Variants in FBXW7 observed in about 807,000 individuals in gnomAD.
FBXW7 encodes F-box and WD repeat domain containing 7, also known as F-box/WD repeat-containing protein 7.
FBXW7 carries 11 observed loss-of-function variants against 86.3 expected under a neutral mutation model. The ratio of observed to expected loss-of-function variants is 0.13; its 90% CI spans 0.08 to 0.21. The LOEUF (loss-of-function observed/expected upper bound fraction) is 0.21, where lower values mean the gene tolerates loss of function less well. FBXW7 is among the 10% of genes least tolerant of loss of function. FBXW7 has a pLI of 1.00. For synonymous variants in FBXW7, 313 were observed against 297.9 expected, an observed-to-expected ratio of 1.05 and a Z score of -0.52; for missense variants, 488 against 847.4, an observed-to-expected ratio of 0.58 and a Z score of 5.27.
At chr4:152,460,790 TGATA>T (rs1238132283) in intron 2 of FBXW7, among the ~76,000 whole-genome samples, 1 of 152,186 alleles carries the variant, frequency 6.6e-6, no homozygotes, top group African/African-American at 2.4e-5. Context: ...ATATGTAAAT[TGATA>T]CTTTCCACCA....
At chr4:152,406,868 G>T (rs1438942497) in intron 4 of FBXW7, among the ~76,000 whole-genome samples, 1 of 152,084 alleles carries the variant, frequency 6.6e-6, no homozygotes, top group Non-Finnish European at 1.5e-5. Context: ...AATGCTGAAG[G>T]TTGTAAAACA....
At chr4:152,519,535 T>TA (rs1748816913) in intron 2 of FBXW7, among the ~76,000 whole-genome samples, 1 of 152,190 alleles carries the variant, frequency 6.6e-6, no homozygotes. Flanking sequence ...TCCATAATCT[T>TA]AGACAGATTT....
intron 4 of FBXW7, among the ~76,000 whole-genome samples, chr4:152,389,798 T>C (rs956097914): frequency 6.6e-6 from 1 of 152,088 alleles, no homozygotes; most frequent in African/African-American, 2.4e-5. Flanking sequence ...ATTACATATA[T>C]GGCCTTCTTG....
intron 2 of FBXW7, among the ~76,000 whole-genome samples, chr4:152,437,393 T>A (rs965540043): frequency 7.9e-5 from 12 of 151,058 alleles, no homozygotes; most frequent in Non-Finnish European, 1.5e-4. Flanking sequence ...AAAAAAAAAA[T>A]TCAGTGGCGG....
intron 4 of FBXW7, among the ~76,000 whole-genome samples, chr4:152,377,291 T>TA (rs771906119): frequency 7.8e-4 from 119 of 152,176 alleles, no homozygotes; most frequent in Non-Finnish European, 1.3e-3. Flanking sequence ...AGATAAAACT[T>TA]ACATTGTTTC....
At chr4:152,420,153 T>C (rs1300044529) in intron 2 of FBXW7, among the ~76,000 whole-genome samples, 3 of 152,222 alleles carry the variant, frequency 2.0e-5, no homozygotes, top group Admixed American at 2.0e-4. Context: ...AAGTCCTTTG[T>C]TGATATTTCA....
rs1177813371 is a variant in FBXW7 at position 152,411,075 on chromosome 4, T to A, written c.501+228A>T. ...ATTTGATGTTAATAATTTTTCATAG[T>A]AATAGGCTCAATTACTTTCCCTCCA... On this transcript the variant is annotated intron_variant, in intron 4 of 13. Transcript: ENST00000281708. The A allele has an allele frequency of 2.1e-5, 16 of 754,526 alleles. No homozygotes were observed. In the South Asian group the frequency reaches 4.8e-4, roughly 23 times the overall value. The allele number at this position is 754,526 out of a possible 1,614,324, so 46.7% of individuals were successfully genotyped here.
intron 4 of FBXW7, among the ~76,000 whole-genome samples, chr4:152,364,074 T>A (rs960900541): frequency 6.6e-6 from 1 of 152,168 alleles, no homozygotes; most frequent in African/African-American, 2.4e-5. Context: ...GCTAATTGTG[T>A]ACTGTGATAC....
chr4:152,361,822 C>T (rs965513993), intron 4 of FBXW7, among the ~76,000 whole-genome samples: 4 of 151,650 alleles, frequency 2.6e-5, no homozygotes, highest in East Asian at 3.9e-4. Flanking sequence ...AAAAATTAGC[C>T]GGGTATGGTG....
At chr4:152,518,770 T>C (rs1367598065) in intron 2 of FBXW7, among the ~76,000 whole-genome samples, 2 of 152,172 alleles carry the variant, frequency 1.3e-5, no homozygotes, top group African/African-American at 4.8e-5. Flanking sequence ...AAGGCCAACA[T>C]CTAAGTTTAG....
At chr4:152,330,257 C>T (rs954619356) in intron 9 of FBXW7, among the ~76,000 whole-genome samples, 8 of 151,868 alleles carry the variant, frequency 5.3e-5, no homozygotes, top group South Asian at 2.1e-4. Flanking sequence ...TGTAAAAATA[C>T]GCCCAATAAT....
chr4:152,522,847 G>A (rs1749150359), intron 2 of FBXW7, among the ~76,000 whole-genome samples: 1 of 152,180 alleles, frequency 6.6e-6, no homozygotes, highest in African/African-American at 2.4e-5. Context: ...TAAACAACTT[G>A]CCAAAGGTCA....
chr4:152,447,001 G>A (rs1741463543), intron 2 of FBXW7, among the ~76,000 whole-genome samples: 1 of 152,044 alleles, frequency 6.6e-6, no homozygotes. Flanking sequence ...ACAAATACTA[G>A]TGTTTAAATT....
At chr4:152,414,519 CTG>C (rs1738259013) in intron 2 of FBXW7, among the ~76,000 whole-genome samples, 1 of 152,082 alleles carries the variant, frequency 6.6e-6, no homozygotes. Context: ...GTGAAAGTGA[CTG>C]TGTTGTTACA....
intron 2 of FBXW7, among the ~76,000 whole-genome samples, chr4:152,454,152 T>C (rs1356245528): frequency 6.6e-6 from 1 of 152,148 alleles, no homozygotes; most frequent in Non-Finnish European, 1.5e-5. Context: ...AAATGTATTT[T>C]CTAGTTAATT....
At chr4:152,324,736 G>C (rs1728855814) in intron 12 of FBXW7, 1 of 227,232 alleles carries the variant, frequency 4.4e-6, no homozygotes, top group Non-Finnish European at 8.7e-6. Flanking sequence ...GGATGACTGA[G>C]AGAATTGCTA....
intron 8 of FBXW7, among the ~76,000 whole-genome samples, chr4:152,331,940 T>C (rs533552979): frequency 6.6e-6 from 1 of 152,142 alleles, no homozygotes; most frequent in Non-Finnish European, 1.5e-5. Flanking sequence ...GGACTAACCA[T>C]CAATGCTTCC....
chr4:152,376,812 G>T (rs1176022679), intron 4 of FBXW7, among the ~76,000 whole-genome samples: 1 of 151,852 alleles, frequency 6.6e-6, no homozygotes, highest in African/African-American at 2.4e-5. Context: ...CCTGACCCCA[G>T]ACCCTGAAGT....
At chr4:152,387,341 T>C (rs1276450348) in intron 4 of FBXW7, among the ~76,000 whole-genome samples, 1 of 152,132 alleles carries the variant, frequency 6.6e-6, no homozygotes, top group Admixed American at 6.6e-5. Context: ...ATCCTTCTGA[T>C]CAGATAATAT....
Sources: allele counts gnomAD v4.1 joint callset (sites outside exome capture counted in the v4.1 genomes callset), GRCh38; gene constraint gnomAD v4.1.1; transcripts MANE v1.5; gene names NCBI Gene and HGNC (gene_info 2026-07-23, HGNC 2026-07-21).